Variants in HRH1 observed in about 807,000 individuals in gnomAD.
The protein encoded by HRH1 is histamine H1 receptor.
A neutral mutation model predicts 10.3 loss-of-function variants in HRH1; 6 were observed. That is an observed-to-expected ratio of 0.58 (90% CI 0.32 to 1.15). The LOEUF (loss-of-function observed/expected upper bound fraction) is 1.15, where lower values mean the gene tolerates loss of function less well. Among genes scored for constraint, HRH1 ranks in the 50% most tolerant of loss-of-function variants. HRH1 has a pLI of 0.05. For missense variants in HRH1, 514 were observed against 615.3 expected (o/e 0.84, Z 1.74); for synonymous variants, 242 against 236.7 (o/e 1.02, Z -0.21).
At chr3:11,164,515 G>GTTTTGTT (rs1936994290) in intron 1 of HRH1, among the ~76,000 whole-genome samples, 1 of 151,904 alleles carries the variant, frequency 6.6e-6, no homozygotes, top group African/African-American at 2.4e-5. Context: ...AATTGATGGT[G>GTTTTGTT]TTTTGTTTTG....
At chr3:11,238,780 C>T (rs1255990035) in intron 1 of HRH1, among the ~76,000 whole-genome samples, 4 of 152,164 alleles carry the variant, frequency 2.6e-5, no homozygotes, top group African/African-American at 9.7e-5. Context: ...TGGAATCATT[C>T]AATGTGTTGC....
At chr3:11,151,211 C>T (rs1045679827), upstream of HRH1, among the ~76,000 whole-genome samples, 1 of 152,186 alleles carries the variant, frequency 6.6e-6, no homozygotes, top group African/African-American at 2.4e-5. Context: ...TTTGGAAAGA[C>T]GTGATCTCTT....
chr3:11,140,008 T>G (rs1936261563), intron 1 of HRH1, among the ~76,000 whole-genome samples: 1 of 152,226 alleles, frequency 6.6e-6, no homozygotes, highest in Non-Finnish European at 1.5e-5. Context: ...AAAAAAATTT[T>G]TTTTTAAAGA....
chr3:11,236,668 G>A (rs56225321), intron 1 of HRH1, among the ~76,000 whole-genome samples: 2,078 of 152,266 alleles, frequency 0.014, 27 homozygotes, highest in Middle Eastern at 0.044. Flanking sequence ...ATAGAACTAG[G>A]AACCAGATCG....
chr3:11,242,203 C>T (rs541524526), intron 1 of HRH1, among the ~76,000 whole-genome samples: 1 of 152,044 alleles, frequency 6.6e-6, no homozygotes, highest in East Asian at 1.9e-4. Context: ...AACACTTGGC[C>T]GGGTGCGGTG....
At chr3:11,179,316 A>G (rs1937306059) in intron 1 of HRH1, among the ~76,000 whole-genome samples, 2 of 151,270 alleles carry the variant, frequency 1.3e-5, no homozygotes, top group African/African-American at 4.9e-5. Context: ...AATTTAAAAA[A>G]TTTAAAAAAG....
At chr3:11,217,514 G>T (rs1464563490) in intron 1 of HRH1, among the ~76,000 whole-genome samples, 1 of 152,164 alleles carries the variant, frequency 6.6e-6, no homozygotes, top group Non-Finnish European at 1.5e-5. Flanking sequence ...GGGTGACAGA[G>T]CGAGACTTGG....
At chr3:11,175,223 C>T (rs1052460646) in intron 1 of HRH1, among the ~76,000 whole-genome samples, 1 of 152,144 alleles carries the variant, frequency 6.6e-6, no homozygotes, top group Non-Finnish European at 1.5e-5. Flanking sequence ...TGCCATTAAA[C>T]CTTTGAAGTA....
intron 1 of HRH1, among the ~76,000 whole-genome samples, chr3:11,254,855 G>T (rs1939743752): frequency 6.6e-6 from 1 of 152,204 alleles, no homozygotes; most frequent in Admixed American, 6.5e-5. Context: ...CACCAAGCAG[G>T]GTAGGGCAGG....
chr3:11,215,535 G>A (rs1287001680), intron 1 of HRH1, among the ~76,000 whole-genome samples: 1 of 152,188 alleles, frequency 6.6e-6, no homozygotes, highest in Admixed American at 6.5e-5. Context: ...CTGCCTCCCA[G>A]GCTGACGCCA....
intron 1 of HRH1, among the ~76,000 whole-genome samples, chr3:11,195,660 G>A (rs904960086): frequency 7.9e-5 from 12 of 152,298 alleles, no homozygotes; most frequent in East Asian, 7.7e-4. Context: ...ATTCAGGTGC[G>A]TTATCCAGGA....
chr3:11,201,601 T>C (rs1937911552), intron 1 of HRH1, among the ~76,000 whole-genome samples: 1 of 151,986 alleles, frequency 6.6e-6, no homozygotes, highest in Non-Finnish European at 1.5e-5. Flanking sequence ...GGACCTGAGG[T>C]TAAACATGGG....
chr3:11,167,819 GAGGCTTGGGGCCTGCC>G (rs1937076911), intron 1 of HRH1, among the ~76,000 whole-genome samples: 1 of 152,250 alleles, frequency 6.6e-6, no homozygotes, highest in Non-Finnish European at 1.5e-5. Context: ...TCCTGAGAGG[GAGGCTTGGGGCCTGCC>G]AGGCCTTGCC....
chr3:11,216,051 C>T lies in HRH1; in HGVS notation c.-35-42952C>T, dbSNP rs1025347181. Among the ~76,000 whole-genome samples the T allele has an allele frequency of 3.3e-5, 5 of 152,170 alleles. No individual in the cohort carries two copies. In the South Asian group the frequency reaches 1.0e-3, roughly 32 times the overall value. On this transcript the variant is annotated intron_variant, in intron 1 of 1. Transcript: ENST00000431010. ...CCTGTTACTGGACTTGCATGTAGTTCCCAGTTTGGGACTATTAGAGGGAAC... is the reference window on the plus strand; with the variant it reads ...CCTGTTACTGGACTTGCATGTAGTTTCCAGTTTGGGACTATTAGAGGGAAC...
intron 1 of HRH1, among the ~76,000 whole-genome samples, chr3:11,230,595 A>C (rs993209710): frequency 1.3e-5 from 2 of 152,188 alleles, no homozygotes; most frequent in Non-Finnish European, 2.9e-5. Context: ...CTTGTTAGAG[A>C]TGCAGAATCT....
rs1559288770 is a variant in HRH1, at chr3:11,259,450, A to G, written c.413A>G (p.Tyr138Cys). ...CAGCAGCCCCTCAGGTACCTTAAGT[A>G]TCGTACCAAGACCCGAGCCTCGGCC... ...SVQQPLRYLK[Y>C]RTKTRASATI... Residue 138 changes from tyrosine to cysteine, a missense_variant, in exon 2 of 2, where the codon TAT (tyrosine) becomes TGT (cysteine). Transcript: ENST00000431010. The surrounding 1 kb of genome is among the most constrained non-coding windows in gnomAD (Gnocchi z 4.6). 2.5e-6 allele frequency: 4 copies of G among 1,613,532 alleles called. No individual in the cohort carries two copies. The highest frequency in any genetic ancestry group is 3.4e-6 in the Non-Finnish European group (4 of 1,179,934).
At chr3:11,152,606 C>A (rs972939366), upstream of HRH1, among the ~76,000 whole-genome samples, 7 of 146,092 alleles carry the variant, frequency 4.8e-5, no homozygotes, top group Non-Finnish European at 1.1e-4. Context: ...AGGCTTCCCC[C>A]ACCCGCCCTG....
chr3:11,176,263 G>A (rs1221266095), intron 1 of HRH1, among the ~76,000 whole-genome samples: 2 of 152,058 alleles, frequency 1.3e-5, no homozygotes, highest in African/African-American at 4.8e-5. Flanking sequence ...TCTGGTCTCA[G>A]ATAATTATAA....
chr3:11,190,790 C>T (rs1937520071), intron 1 of HRH1, among the ~76,000 whole-genome samples: 1 of 152,086 alleles, frequency 6.6e-6, no homozygotes, highest in Non-Finnish European at 1.5e-5. Flanking sequence ...GTTGAGACTG[C>T]AGTGAACCCT....
Sources: allele counts gnomAD v4.1 joint callset (sites outside exome capture counted in the v4.1 genomes callset), GRCh38; gene constraint gnomAD v4.1.1; non-coding constraint Gnocchi (gnomAD v3.1); transcripts MANE v1.5; gene names NCBI Gene and HGNC (gene_info 2026-07-23, HGNC 2026-07-21).